The following DLG2 variants were observed in gnomAD, a reference collection of about 807,000 sequenced individuals.
The protein encoded by DLG2 is disks large homolog 2.
In DLG2, 45 loss-of-function variants were observed where a neutral mutation model predicts 132.5. The ratio of observed to expected loss-of-function variants is 0.34; its 90% CI spans 0.27 to 0.44. The LOEUF (loss-of-function observed/expected upper bound fraction) is 0.44. DLG2 is among the 20% of genes least tolerant of loss of function. The pLI, the probability that DLG2 is intolerant of heterozygous loss-of-function variation, is 1.00. For missense variants in DLG2, 1,045 were observed against 1,196.9 expected, an observed-to-expected ratio of 0.87 and a Z score of 1.87; for synonymous variants, 424 against 419.6, an observed-to-expected ratio of 1.01 and a Z score of -0.13.
At chr11:85,370,242 A>G (rs1245366221) in intron 3 of DLG2, among the ~76,000 whole-genome samples, 3 of 152,238 alleles carry the variant, frequency 2.0e-5, no homozygotes, top group African/African-American at 7.2e-5. Context: ...TGAAACTACT[A>G]GAAATAGATT....
intron 19 of DLG2, among the ~76,000 whole-genome samples, chr11:83,543,034 T>G: frequency 6.6e-6 from 1 of 152,098 alleles, no homozygotes; most frequent in Non-Finnish European, 1.5e-5. Flanking sequence ...ATCAAAGAAA[T>G]GTCACATCTG....
At chr11:84,235,100 G>A (rs1206419453) in intron 8 of DLG2, among the ~76,000 whole-genome samples, 1 of 152,154 alleles carries the variant, frequency 6.6e-6, no homozygotes, top group Non-Finnish European at 1.5e-5. Flanking sequence ...CAGGTCTTTA[G>A]ATAAACTCTT....
In DLG2 at chr11:85,122,969, A is replaced by ATTTT. The variant is rs1175644391; in HGVS notation, c.283-11238_283-11235dup. Among the ~76,000 whole-genome samples the ATTTT allele has an allele frequency of 1.7e-4, 15 of 86,870 alleles. 1 individual carries two copies. The highest frequency in any genetic ancestry group is 2.6e-4 in the African/African-American group (6 of 23,090). 57.0% of individuals were successfully genotyped at this position (86,870 alleles called of 152,430 possible). A position where few individuals can be genotyped will look rare whatever the true frequency, so the allele number is the denominator to read the frequency against. On this transcript the variant is annotated intron_variant, in intron 5 of 27. Coordinates refer to ENST00000376104, the MANE Select transcript of DLG2 (RefSeq NM_001142699.3). ...ATATATTATATATATATATATATAT[A>ATTTT]TTTTTTTTTTTTTTTTTTTTTTTTT...
In DLG2 at chr11:84,667,498, G is replaced by T. The variant is rs11234117; in HGVS notation, c.358-132767C>A. Among the ~76,000 whole-genome samples the T allele has an allele frequency of 5.2e-3, 640 of 122,234 alleles. 7 individuals carry two copies. Among genetic ancestry groups the T allele is most frequent in the Non-Finnish European group, 6.2e-3 (385 of 61,624 alleles). The allele number at this position is 122,234 out of a possible 152,430, so 80.2% of individuals were successfully genotyped here. On this transcript the variant is annotated intron_variant, in intron 6 of 27. Transcript: ENST00000376104. ...TTTTTGTTTTTGTTTTTTGTTTTTTGTTTTTTTTTTTTTTTTGAGTCATAG... is the reference window on the plus strand; with the variant it reads ...TTTTTGTTTTTGTTTTTTGTTTTTTTTTTTTTTTTTTTTTTTGAGTCATAG...
At chr11:85,149,235 T>C (rs1398855369) in intron 5 of DLG2, among the ~76,000 whole-genome samples, 1 of 152,024 alleles carries the variant, frequency 6.6e-6, no homozygotes, top group Admixed American at 6.6e-5. Context: ...TATATGGGCT[T>C]TTTTTGGTTC....
At chr11:85,333,753 C>G (rs2081939610) in intron 3 of DLG2, among the ~76,000 whole-genome samples, 1 of 152,062 alleles carries the variant, frequency 6.6e-6, no homozygotes. Context: ...TATGTTGAAC[C>G]AAGTTTGCAT....
intron 18 of DLG2, among the ~76,000 whole-genome samples, chr11:83,775,848 C>T (rs1026294991): frequency 3.3e-5 from 5 of 152,154 alleles, no homozygotes; most frequent in East Asian, 1.9e-4. Context: ...ATCCCAGCAC[C>T]TTGGGAGGCC....
At chr11:83,634,216 A>G (rs1024154918) in intron 18 of DLG2, among the ~76,000 whole-genome samples, 5 of 152,168 alleles carry the variant, frequency 3.3e-5, no homozygotes, top group Non-Finnish European at 7.4e-5. Context: ...TCAAACATTA[A>G]AAGTTATGGG....
chr11:84,625,220 A>T (rs1217103341), intron 6 of DLG2, among the ~76,000 whole-genome samples: 1 of 152,006 alleles, frequency 6.6e-6, no homozygotes, highest in Non-Finnish European at 1.5e-5. Context: ...GAAACATCTA[A>T]AATTTCACAT....
intron 4 of DLG2, among the ~76,000 whole-genome samples, chr11:85,283,703 T>C (rs2078379268): frequency 6.6e-6 from 1 of 151,880 alleles, no homozygotes; most frequent in South Asian, 2.1e-4. Context: ...TCTATTAATT[T>C]GACAACATAT....
At chr11:85,535,545 A>G (rs1598347083) in intron 3 of DLG2, among the ~76,000 whole-genome samples, 1 of 152,218 alleles carries the variant, frequency 6.6e-6, no homozygotes, top group Non-Finnish European at 1.5e-5. Context: ...GGGATTGCAA[A>G]TTAGTGAAAC....
intron 3 of DLG2, among the ~76,000 whole-genome samples, chr11:85,418,217 G>C (rs770737406): frequency 3.9e-5 from 6 of 152,130 alleles, no homozygotes; most frequent in Admixed American, 6.6e-5. Flanking sequence ...AGTCACTCAG[G>C]AGTAGGTTGT....
chr11:84,639,799 C>A (rs2099652505), intron 6 of DLG2, among the ~76,000 whole-genome samples: 1 of 152,040 alleles, frequency 6.6e-6, no homozygotes, highest in Admixed American at 6.6e-5. Flanking sequence ...ATATCCAATT[C>A]CTTCCTATGC....
At chr11:84,428,357 A>C (rs1469379456) in intron 7 of DLG2, among the ~76,000 whole-genome samples, 2 of 152,188 alleles carry the variant, frequency 1.3e-5, no homozygotes, top group African/African-American at 2.4e-5. Flanking sequence ...AGACATCATC[A>C]TATATATCTA....
At chr11:84,644,880 ATCC>A (rs1413341169) in intron 6 of DLG2, among the ~76,000 whole-genome samples, 1 of 152,072 alleles carries the variant, frequency 6.6e-6, no homozygotes. Context: ...CCTCTCCCTC[ATCC>A]TCTGCCATTG....
At chr11:85,323,790 T>A (rs1325733046) in intron 3 of DLG2, among the ~76,000 whole-genome samples, 1 of 152,266 alleles carries the variant, frequency 6.6e-6, no homozygotes. Context: ...TCACTTAACA[T>A]AATGTCCTCC....
At chr11:85,588,612 G>A (rs988249731) in intron 3 of DLG2, among the ~76,000 whole-genome samples, 1 of 151,736 alleles carries the variant, frequency 6.6e-6, no homozygotes, top group African/African-American at 2.4e-5. Flanking sequence ...GTTTAAATTG[G>A]TTTTCCCCTT....
At chr11:84,868,055 C>G in intron 6 of DLG2, among the ~76,000 whole-genome samples, 1 of 150,582 alleles carries the variant, frequency 6.6e-6, no homozygotes, top group Non-Finnish European at 1.5e-5. Flanking sequence ...GCCTGGGCAA[C>G]AAAGCGAGGT....
chr11:84,406,507 A>G (rs150164729), intron 7 of DLG2, among the ~76,000 whole-genome samples: 2,258 of 151,924 alleles, frequency 0.015, 19 homozygotes, highest in Non-Finnish European at 0.023. Flanking sequence ...TGTGTATTTT[A>G]TTTCACTTTG....
Sources: gnomAD v4.1 joint callset for allele counts (sites outside exome capture counted in the v4.1 genomes callset) on GRCh38, gnomAD v4.1.1 for gene constraint, MANE v1.5 for transcripts, NCBI Gene and HGNC (gene_info 2026-07-23, HGNC 2026-07-21) for gene names.